The following GRM3 variants were observed in gnomAD, a reference collection of about 807,000 sequenced individuals.
The protein encoded by GRM3 is glutamate metabotropic receptor 3, also known as metabotropic glutamate receptor 3.
A neutral mutation model predicts 70.5 loss-of-function variants in GRM3; 26 were observed. That is an observed-to-expected ratio of 0.37 (90% CI 0.27 to 0.51). The LOEUF (loss-of-function observed/expected upper bound fraction) is 0.51, where lower values mean the gene tolerates loss of function less well. Ranked by LOEUF, GRM3 falls within the 20% of genes least tolerant of loss-of-function variation. GRM3 has a pLI of 0.93. For missense variants in GRM3, 859 were observed against 1,123.8 expected (o/e 0.76, Z 3.37); for synonymous variants, 443 against 434.9 (o/e 1.02, Z -0.23).
chr7:86,860,152 C>T (rs775874309), intron 5 of GRM3, among the ~76,000 whole-genome samples: 1 of 152,094 alleles, frequency 6.6e-6, no homozygotes, highest in South Asian at 2.1e-4. Context: ...TGCTTAACCA[C>T]ACTTAAGAAA....
At chr7:86,800,113 AC>A (rs1797648547) in intron 3 of GRM3, among the ~76,000 whole-genome samples, 1 of 152,188 alleles carries the variant, frequency 6.6e-6, no homozygotes, top group South Asian at 2.1e-4. Context: ...GAGACAATGT[AC>A]CAGAATCTCT....
intron 3 of GRM3, among the ~76,000 whole-genome samples, chr7:86,787,349 G>T (rs565243783): frequency 6.6e-6 from 1 of 152,340 alleles, no homozygotes; most frequent in East Asian, 1.9e-4. Flanking sequence ...CCCAGGCAGG[G>T]CTGACAGCCC....
intron 4 of GRM3, among the ~76,000 whole-genome samples, chr7:86,847,759 T>C (rs1187381581): frequency 1.3e-5 from 2 of 152,182 alleles, no homozygotes; most frequent in African/African-American, 4.8e-5. Context: ...CGTAAGCTGG[T>C]AGTATTCAAA....
chr7:86,674,379 G>A (rs914433546), intron 1 of GRM3, among the ~76,000 whole-genome samples: 2 of 152,106 alleles, frequency 1.3e-5, no homozygotes, highest in East Asian at 3.9e-4. Flanking sequence ...CAAAGAAGAA[G>A]CCACATGACT....
intron 1 of GRM3, among the ~76,000 whole-genome samples, chr7:86,728,627 C>G (rs1390815328): frequency 3.3e-5 from 5 of 152,154 alleles, no homozygotes; most frequent in African/African-American, 1.2e-4. Context: ...ATCTTCCCTC[C>G]TCTTGACAGG....
intron 1 of GRM3, among the ~76,000 whole-genome samples, chr7:86,648,671 A>G (rs1197146132): frequency 6.6e-6 from 1 of 152,126 alleles, no homozygotes; most frequent in Non-Finnish European, 1.5e-5. Context: ...TGTGGAATGT[A>G]TTTCGATATA....
intron 2 of GRM3, among the ~76,000 whole-genome samples, chr7:86,774,387 C>T (rs746006509): frequency 1.1e-4 from 17 of 152,174 alleles, no homozygotes; most frequent in African/African-American, 4.1e-4. Context: ...TCCAAACAAA[C>T]GATCCTCCAG....
intron 3 of GRM3, among the ~76,000 whole-genome samples, chr7:86,803,121 A>T (rs1284858697): frequency 6.6e-6 from 1 of 152,218 alleles, no homozygotes; most frequent in Non-Finnish European, 1.5e-5. Flanking sequence ...AAACAAAGAG[A>T]ATTTATCATT....
intron 3 of GRM3, among the ~76,000 whole-genome samples, chr7:86,825,838 T>A (rs549776656): frequency 7.2e-5 from 11 of 152,344 alleles, no homozygotes; most frequent in African/African-American, 2.2e-4. Context: ...TTTCAAATAC[T>A]TTTTAATAGT....
intron 1 of GRM3, among the ~76,000 whole-genome samples, chr7:86,646,066 C>CT (rs1793465536): frequency 6.7e-6 from 1 of 148,316 alleles, no homozygotes; most frequent in Non-Finnish European, 1.5e-5. Flanking sequence ...TGATCACACA[C>CT]TTTAAGATTC....
At chr7:86,742,179 C>G (rs1254662518) in intron 1 of GRM3, among the ~76,000 whole-genome samples, 2 of 152,120 alleles carry the variant, frequency 1.3e-5, no homozygotes, top group Non-Finnish European at 2.9e-5. Flanking sequence ...ATGTGCCTCT[C>G]TATATGGTTG....
chr7:86,787,089 G>A lies in GRM3; in HGVS notation c.1297G>A (p.Asp433Asn). 6.2e-7 allele frequency: 1 copy of A among 1,604,066 alleles called. No individual in the cohort carries two copies. The highest frequency in any genetic ancestry group is 8.5e-7 in the Non-Finnish European group (1 of 1,172,888). ...KILDGKKLYKDYLLKINFTAP... is the reference protein window; with the variant it reads ...KILDGKKLYKNYLLKINFTAP... ...CCTGGATGGGAAGAAGTTGTACAAG[G>A]ATTACTTGCTGAAAATCAACTTCAC... The change falls in exon 3 of 6, where the codon GAT becomes AAT. Residue 433 changes from aspartate (D) to asparagine (N), a missense_variant. By Grantham distance (23) the Asp-to-Asn change is conservative (BLOSUM62 1). Transcript: ENST00000361669.
At chr7:86,805,008 G>A (rs1345155699) in intron 3 of GRM3, among the ~76,000 whole-genome samples, 1 of 152,098 alleles carries the variant, frequency 6.6e-6, no homozygotes, top group Non-Finnish European at 1.5e-5. Context: ...CAGCTACCTG[G>A]GAGGTTGAGG....
intron 3 of GRM3, among the ~76,000 whole-genome samples, chr7:86,810,610 C>T (rs772672463): frequency 4.0e-4 from 61 of 152,020 alleles, no homozygotes; most frequent in Admixed American, 2.8e-3. Context: ...AATGGCTTTG[C>T]ATAGAGGTAA....
chr7:86,833,472 G>T (rs1300956196), intron 3 of GRM3, among the ~76,000 whole-genome samples: 3 of 152,082 alleles, frequency 2.0e-5, no homozygotes, highest in African/African-American at 7.2e-5. Flanking sequence ...CAGTTCACAG[G>T]GTTCTATTTT....
chr7:86,798,874 T>TGACAC (rs1562868054), intron 3 of GRM3, among the ~76,000 whole-genome samples: 3 of 82,722 alleles, frequency 3.6e-5, no homozygotes, highest in African/African-American at 1.1e-4. Flanking sequence ...AGAGTTCCCC[T>TGACAC]CTTCTTGCCT....
intron 2 of GRM3, 74 bp downstream of exon 2, chr7:86,765,687 TATC>T (rs1248717856): frequency 4.1e-6 from 5 of 1,213,314 alleles, no homozygotes; most frequent in East Asian, 4.8e-5. Flanking sequence ...AAAAGGAAAA[TATC>T]ATAATAACGT....
chr7:86,702,036 A>C (rs956912138), intron 1 of GRM3, among the ~76,000 whole-genome samples: 1 of 152,036 alleles, frequency 6.6e-6, no homozygotes, highest in East Asian at 1.9e-4. Context: ...CTAGACCTAC[A>C]TCATCTTAAG....
At chr7:86,792,317 A>G (rs1330549818) in intron 3 of GRM3, among the ~76,000 whole-genome samples, 1 of 152,214 alleles carries the variant, frequency 6.6e-6, no homozygotes, top group African/African-American at 2.4e-5. Flanking sequence ...TGAAGCACAT[A>G]AAAATGAACT....
Sources: allele counts gnomAD v4.1 joint callset (sites outside exome capture counted in the v4.1 genomes callset), GRCh38; gene constraint gnomAD v4.1.1; transcripts MANE v1.5; gene names NCBI Gene and HGNC (gene_info 2026-07-23, HGNC 2026-07-21).